The following MTAP variants were observed in gnomAD, a reference collection of about 807,000 sequenced individuals.
MTAP encodes the protein methylthioadenosine phosphorylase.
A neutral mutation model predicts 33.6 loss-of-function variants in MTAP; 33 were observed. The observed-to-expected ratio is 0.98, with a 90% CI of 0.74 to 1.31. The LOEUF (loss-of-function observed/expected upper bound fraction) is 1.31. Among genes scored for constraint, MTAP ranks in the 40% most tolerant of loss-of-function variants. The pLI is 0.00. For missense variants in MTAP, 367 were observed against 360.0 expected, an observed-to-expected ratio of 1.02 and a Z score of -0.16; for synonymous variants, 148 against 125.7, an observed-to-expected ratio of 1.18 and a Z score of -1.19.
chr9:21,905,592 A>G (rs1178455224), intron 1 of MTAP, among the ~76,000 whole-genome samples: 1 of 152,168 alleles, frequency 6.6e-6, no homozygotes, highest in Non-Finnish European at 1.5e-5. Context: ...GACAAAATGT[A>G]GCAAACACTG....
chr9:21,833,625 C>T (rs530794349), intron 4 of MTAP, among the ~76,000 whole-genome samples: 2 of 152,286 alleles, frequency 1.3e-5, no homozygotes, highest in East Asian at 1.9e-4. Context: ...AAACCGTCCT[C>T]CTTATGAGCA....
intron 1 of MTAP, among the ~76,000 whole-genome samples, chr9:21,899,474 C>T (rs1818353133): frequency 1.3e-5 from 2 of 151,784 alleles, no homozygotes. Flanking sequence ...AAAGAACTGC[C>T]CAAGATTGGG....
intron 1 of MTAP, among the ~76,000 whole-genome samples, chr9:21,928,331 G>C (rs1818900521): frequency 6.6e-6 from 1 of 152,168 alleles, no homozygotes; most frequent in African/African-American, 2.4e-5. Context: ...TGCACCTTGT[G>C]AACCACAAAT....
intron 1 of MTAP, among the ~76,000 whole-genome samples, chr9:21,809,440 C>T (rs368901999): frequency 2.6e-3 from 394 of 151,930 alleles, no homozygotes; most frequent in Non-Finnish European, 3.9e-3. Context: ...AAGATTGAGA[C>T]CATCCTGGCT....
At chr9:21,823,496 G>T (rs972731585) in intron 4 of MTAP, among the ~76,000 whole-genome samples, 1 of 152,152 alleles carries the variant, frequency 6.6e-6, no homozygotes, top group Non-Finnish European at 1.5e-5. Context: ...TTAGTCTGAT[G>T]GGCTTCCCTT....
chr9:21,917,895 A>G (rs1441887233), intron 1 of MTAP, among the ~76,000 whole-genome samples: 1 of 152,218 alleles, frequency 6.6e-6, no homozygotes, highest in Non-Finnish European at 1.5e-5. Context: ...TATGCCATGG[A>G]ATACTACTGA....
At chr9:21,830,627 T>C (rs544395552) in intron 4 of MTAP, among the ~76,000 whole-genome samples, 5 of 152,212 alleles carry the variant, frequency 3.3e-5, no homozygotes, top group African/African-American at 9.7e-5. Flanking sequence ...TCATAAGATA[T>C]GTACTCCCAG....
chr9:21,862,315 G>C lies in MTAP; in HGVS notation c.*301G>C. On this transcript the variant is annotated 3_prime_UTR_variant, in exon 8 of 8. Coordinates refer to ENST00000644715, the MANE Select transcript of MTAP (RefSeq NM_002451.4). ...CCCCTATTAAATTTGCAACAATAAA[G>C]GGTGGAGGGTAATCTCTACTTTCCT... The C allele has an allele frequency of 2.7e-6, 1 of 364,486 alleles. No homozygotes were observed. Among genetic ancestry groups the C allele is most frequent in the Non-Finnish European group, 4.4e-6 (1 of 228,138 alleles). The allele number at this position is 364,486 out of a possible 1,614,324, so 22.6% of individuals were successfully genotyped here.
chr9:21,825,203 G>A (rs746534031), intron 4 of MTAP, among the ~76,000 whole-genome samples: 2 of 152,160 alleles, frequency 1.3e-5, no homozygotes, highest in Non-Finnish European at 2.9e-5. Flanking sequence ...CATGCTGGGA[G>A]CTGTAGACTG....
chr9:21,833,501 T>A (rs959873955), intron 4 of MTAP, among the ~76,000 whole-genome samples: 2 of 152,204 alleles, frequency 1.3e-5, no homozygotes, highest in Non-Finnish European at 2.9e-5. Context: ...GAGACAGAAT[T>A]GTTCCACTTC....
At chr9:21,841,558 C>G (rs1056892779) in intron 5 of MTAP, among the ~76,000 whole-genome samples, 2 of 152,016 alleles carry the variant, frequency 1.3e-5, no homozygotes, top group Non-Finnish European at 2.9e-5. Context: ...AGAGCAGGTG[C>G]TAGTAGCCAC....
At chr9:21,921,813 AT>A (rs1025714479) in intron 1 of MTAP, among the ~76,000 whole-genome samples, 8 of 152,250 alleles carry the variant, frequency 5.3e-5, no homozygotes, top group Middle Eastern at 3.4e-3. Context: ...TCTATTAAAA[AT>A]AAACATAATA....
rs925825036 is a variant in MTAP at position 21,864,386 on chromosome 9, A to T, written c.*2372A>T. The T allele has an allele frequency of 5.1e-6, 5 of 985,110 alleles. No individual in the cohort carries two copies. The highest frequency in any genetic ancestry group is 6.0e-6 in the Non-Finnish European group (5 of 829,892). The allele number at this position is 985,110 out of a possible 1,614,324, so 61.0% of individuals were successfully genotyped here. On this transcript the variant is annotated 3_prime_UTR_variant, in exon 8 of 8. Coordinates refer to ENST00000644715, the MANE Select transcript of MTAP (RefSeq NM_002451.4). ...TTAATTTAAGCTAGTATACTAAGTG[A>T]ACACCATGGTCAGTTGTGAGCATTT...
chr9:21,831,897 T>G (rs890224236), intron 4 of MTAP, among the ~76,000 whole-genome samples: 1 of 152,174 alleles, frequency 6.6e-6, no homozygotes, highest in Non-Finnish European at 1.5e-5. Flanking sequence ...AATAACATAT[T>G]GGCCTGTTGT....
intron 1 of MTAP, among the ~76,000 whole-genome samples, chr9:21,913,963 G>A (rs1818630420): frequency 6.6e-6 from 1 of 152,140 alleles, no homozygotes; most frequent in South Asian, 2.1e-4. Context: ...ATCAAAAAGT[G>A]GGCAAAGGAT....
intron 5 of MTAP, among the ~76,000 whole-genome samples, chr9:21,852,125 C>A (rs962376445): frequency 6.6e-6 from 1 of 152,166 alleles, no homozygotes; most frequent in Middle Eastern, 3.2e-3. Flanking sequence ...CCATTATTCT[C>A]AGTGAAGTAA....
chr9:21,914,621 G>T (rs1328431132), intron 1 of MTAP, among the ~76,000 whole-genome samples: 23 of 137,998 alleles, frequency 1.7e-4, no homozygotes, highest in African/African-American at 5.0e-4. Context: ...TCACACACCG[G>T]GGCCTCTCAT....
In MTAP at chr9:21,930,958, T is replaced by C. The variant is rs1818948155; in HGVS notation, c.148-50T>C. ...CTCTACTTTTGCTCCTTTCAGTCCA[T>C]GTCTTCAAAAATCTAATAACCCAAT... On this transcript the variant is annotated intron_variant, in intron 1 of 1. Transcript: ENST00000577563. The C allele has an allele frequency of 1.8e-5, 13 of 721,824 alleles. No individual in the cohort carries two copies. In the East Asian group the frequency reaches 3.2e-4, roughly 18 times the overall value. The allele number at this position is 721,824 out of a possible 1,614,324, so 44.7% of individuals were successfully genotyped here. A position where few individuals can be genotyped will look rare whatever the true frequency, so the allele number is the denominator to read the frequency against.
rs1312488107 is a variant in MTAP, at chr9:21,818,189, C to G, written c.334C>G (p.Gln112Glu). ...IQPGDIVIID[Q>E]FIDRTTMRPQ... ...GCCCGGCGATATTGTCATTATTGAT[C>G]AGTTCATTGACAGGTAAGCAGTCAT... Residue 112 changes from glutamine to glutamate, a missense_variant, in exon 4 of 8, where the codon CAG (glutamine) becomes GAG (glutamate). By Grantham distance (29) the Gln-to-Glu change is conservative (BLOSUM62 2). Transcript: ENST00000644715. The G allele has an allele frequency of 6.2e-7, 1 of 1,613,750 alleles. No homozygotes were observed. The highest frequency in any genetic ancestry group is 2.2e-5 in the East Asian group (1 of 44,860).
Sources: gnomAD v4.1 joint callset for allele counts (sites outside exome capture counted in the v4.1 genomes callset) on GRCh38, gnomAD v4.1.1 for gene constraint, MANE v1.5 for transcripts, NCBI Gene and HGNC (gene_info 2026-07-23, HGNC 2026-07-21) for gene names.